Variants in NUMB observed in about 807,000 individuals in gnomAD.
NUMB encodes the protein NUMB endocytic adaptor protein.
NUMB carries 29 observed loss-of-function variants against 59.7 expected under a neutral mutation model. The ratio of observed to expected loss-of-function variants is 0.49; its 90% CI spans 0.36 to 0.66. NUMB has a LOEUF of 0.66. NUMB is among the 30% of genes least tolerant of loss of function. The pLI is 0.00. For missense variants in NUMB, 723 were observed against 822.0 expected (o/e 0.88, Z 1.47); for synonymous variants, 288 against 288.2 (o/e 1.00, Z 0.01).
At chr14:73,430,737 C>G (rs971665489) in intron 1 of NUMB, among the ~76,000 whole-genome samples, 43 of 151,838 alleles carry the variant, frequency 2.8e-4, no homozygotes, top group African/African-American at 9.9e-4. Flanking sequence ...GTCAGGAGAT[C>G]GAGACCATTC....
intron 1 of NUMB, among the ~76,000 whole-genome samples, chr14:73,450,147 C>T (rs1269492710): frequency 6.6e-6 from 1 of 152,194 alleles, no homozygotes; most frequent in South Asian, 2.1e-4. Flanking sequence ...TTGTTAAGTG[C>T]CCACTATGGG....
chr14:73,451,152 T>TAA (rs1566803974), intron 1 of NUMB, among the ~76,000 whole-genome samples: 2 of 32,490 alleles, frequency 6.2e-5, no homozygotes, highest in Non-Finnish European at 1.3e-4. Flanking sequence ...GGACTCTGTC[T>TAA]CAAAAAAAAA....
intron 6 of NUMB, among the ~76,000 whole-genome samples, chr14:73,315,530 A>G (rs571995698): frequency 1.2e-3 from 178 of 152,320 alleles, no homozygotes; most frequent in Non-Finnish European, 2.2e-3. Flanking sequence ...AACATTCCAC[A>G]TATGACAGAT....
chr14:73,428,928 C>T (rs992744089), intron 1 of NUMB, among the ~76,000 whole-genome samples: 20 of 152,160 alleles, frequency 1.3e-4, no homozygotes, highest in Admixed American at 6.5e-5. Flanking sequence ...TATATACTCT[C>T]CTGAGTTTGA....
intron 2 of NUMB, among the ~76,000 whole-genome samples, chr14:73,379,750 T>C (rs983892009): frequency 1.1e-4 from 16 of 152,078 alleles, no homozygotes; most frequent in Admixed American, 2.6e-4. Context: ...GTCCTTTAGA[T>C]GGAAGTTGCA....
intron 1 of NUMB, among the ~76,000 whole-genome samples, chr14:73,436,963 G>A (rs1347377053): frequency 6.7e-6 from 1 of 148,888 alleles, no homozygotes; most frequent in East Asian, 2.0e-4. Context: ...TGGTGACAGA[G>A]CAAGACTCCA....
At chr14:73,293,140 T>G (rs1415882354) in intron 7 of NUMB, among the ~76,000 whole-genome samples, 1 of 152,200 alleles carries the variant, frequency 6.6e-6, no homozygotes, top group Non-Finnish European at 1.5e-5. Flanking sequence ...TCATGGTAGA[T>G]TCCACATTCA....
intron 7 of NUMB, among the ~76,000 whole-genome samples, chr14:73,295,004 G>C (rs1359468084): frequency 8.6e-6 from 1 of 116,602 alleles, no homozygotes; most frequent in Non-Finnish European, 1.7e-5. Context: ...AGGCTGCAGT[G>C]AACTATGTCT....
intron 8 of NUMB, among the ~76,000 whole-genome samples, chr14:73,289,314 C>A (rs1889233642): frequency 6.6e-6 from 1 of 152,172 alleles, no homozygotes; most frequent in Non-Finnish European, 1.5e-5. Context: ...AAACAAAACA[C>A]TGCTTTATAT....
Position 73,294,293 on chromosome 14 carries a change from A to T in NUMB, c.310-1419T>A, listed in dbSNP as rs560067092. ...CGCAATCACTGCTCACTGTAACCTC[A>T]ACTCCAGGGCTCAAGCATCCTCCCG... On this transcript the variant is annotated intron_variant, in intron 7 of 12. Coordinates refer to ENST00000555238, the MANE Select transcript of NUMB (RefSeq NM_001005743.2). Among the ~76,000 whole-genome samples the T allele has an allele frequency of 2.0e-5, 3 of 152,108 alleles. No homozygotes were observed. The East Asian group carries it at 5.8e-4, about 29-fold the overall frequency.
intron 5 of NUMB, 144 bp from the exon 6 acceptor site, chr14:73,316,566 C>T: frequency 1.4e-6 from 1 of 690,388 alleles, no homozygotes. Flanking sequence ...GTTATCCACA[C>T]CAGGAGTGAC....
chr14:73,409,690 C>T (rs1896823575), intron 2 of NUMB: 1 of 152,176 alleles, frequency 6.6e-6, no homozygotes, highest in Non-Finnish European at 1.5e-5. Flanking sequence ...TAAATACAAT[C>T]TGGAAAACAG....
intron 5 of NUMB, among the ~76,000 whole-genome samples, chr14:73,318,678 A>C (rs72734497): frequency 6.6e-6 from 1 of 152,342 alleles, no homozygotes; most frequent in Non-Finnish European, 1.5e-5. Flanking sequence ...GATTTCTGTC[A>C]TTTATCCTAT....
rs1888176970 is a variant in NUMB, at chr14:73,276,668, T to C, written c.1866A>G (p.Ala622=). 10 of 1,614,108 alleles carry C rather than the reference T, an allele frequency of 6.2e-6. No individual in the cohort carries two copies. The highest frequency in any genetic ancestry group is 7.6e-6 in the Non-Finnish European group (9 of 1,180,032). Reference sequence around the variant, plus strand: ...TACGCTGCTTGGACTTATTTTCTAATGCAGCCCACTGGGCTTCAAAAGGAT... The same window carrying C: ...TACGCTGCTTGGACTTATTTTCTAACGCAGCCCACTGGGCTTCAAAAGGAT... ...PVDPFEAQWA[A]LENKSKQRTN... Residue 622 remains alanine (A), a synonymous_variant, in exon 13 of 13, where the codon GCA becomes GCG. Transcript: ENST00000555238.
At chr14:73,398,396 G>C (rs1361100372) in intron 2 of NUMB, among the ~76,000 whole-genome samples, 7 of 107,784 alleles carry the variant, frequency 6.5e-5, no homozygotes, top group African/African-American at 2.0e-4. Context: ...CACACACAGA[G>C]AGAGAGAGAG....
chr14:73,361,302 T>C (rs1894085982), intron 3 of NUMB, among the ~76,000 whole-genome samples: 1 of 152,214 alleles, frequency 6.6e-6, no homozygotes, highest in Admixed American at 6.5e-5. Flanking sequence ...CATTGGCTTC[T>C]GTCCTTTCTA....
chr14:73,320,680 T>C (rs547254185), intron 5 of NUMB, among the ~76,000 whole-genome samples: 2 of 152,322 alleles, frequency 1.3e-5, no homozygotes, highest in Non-Finnish European at 2.9e-5. Context: ...GTAGATCAGA[T>C]TGTATTCTGT....
Position 73,309,715 on chromosome 14 carries a change from A to G in NUMB, c.234+6675T>C, listed in dbSNP as rs548225171. On this transcript the variant is annotated intron_variant, in intron 6 of 12. Transcript: ENST00000555238. Reference sequence around the variant, plus strand: ...TTCTGCACATATATCCCAGAACTTAAGGTATAATAATAATAATAATAATAA... The same window carrying G: ...TTCTGCACATATATCCCAGAACTTAGGGTATAATAATAATAATAATAATAA... Among the ~76,000 whole-genome samples, 18 of 110,644 alleles carry G rather than the reference A, an allele frequency of 1.6e-4. No homozygotes were observed. The South Asian group carries it at 6.1e-3, about 37-fold the overall frequency. 72.6% of individuals were successfully genotyped at this position (110,644 alleles called of 152,430 possible).
At position 73,326,393 on chromosome 14, in the gene NUMB, G is replaced by A. The variant is rs190352921; in HGVS notation, c.127-3189C>T. On this transcript the variant is annotated intron_variant, in intron 4 of 12. Coordinates refer to ENST00000555238, the MANE Select transcript of NUMB (RefSeq NM_001005743.2). Reference sequence around the variant, plus strand: ...TGTAATCCCAGCACTTTGGGAGGCCGAGGTGGGTGGATCACTTGAGGTCAG... The same window carrying A: ...TGTAATCCCAGCACTTTGGGAGGCCAAGGTGGGTGGATCACTTGAGGTCAG... Among the ~76,000 whole-genome samples, 98 of 152,232 alleles carry A rather than the reference G, an allele frequency of 6.4e-4. 2 individuals carry two copies. The East Asian group carries it at 0.018, about 28-fold the overall frequency.
Sources: allele counts gnomAD v4.1 joint callset (sites outside exome capture counted in the v4.1 genomes callset), GRCh38; gene constraint gnomAD v4.1.1; transcripts MANE v1.5; gene names NCBI Gene and HGNC (gene_info 2026-07-23, HGNC 2026-07-21).